HMGA2: variants seen among roughly 807,000 people sequenced by gnomAD.
HMGA2 encodes high mobility group protein HMGI-C.
A neutral mutation model predicts 19.1 loss-of-function variants in HMGA2; 8 were observed. The ratio of observed to expected loss-of-function variants is 0.42; its 90% CI spans 0.25 to 0.76. The LOEUF (loss-of-function observed/expected upper bound fraction) is 0.76, where lower values mean the gene tolerates loss of function less well. HMGA2 is among the 30% of genes least tolerant of loss of function. The pLI is 0.28. For synonymous variants in HMGA2, 60 were observed against 48.8 expected (o/e 1.23, Z -0.96); for missense variants, 109 against 136.3 (o/e 0.80, Z 1.00).
At chr12:65,924,574 G>C (rs980805873) in intron 3 of HMGA2, among the ~76,000 whole-genome samples, 1 of 152,162 alleles carries the variant, frequency 6.6e-6, no homozygotes, top group Non-Finnish European at 1.5e-5. Flanking sequence ...GAGGCAGGTG[G>C]ATGGCTTGAG....
rs543739043 is a variant in HMGA2 at position 65,918,629 on chromosome 12, C to T, written c.250-32754C>T. Among the ~76,000 whole-genome samples the T allele has an allele frequency of 6.6e-5, 10 of 152,190 alleles. No individual in the cohort carries two copies. In the South Asian group the frequency reaches 2.1e-3, roughly 32 times the overall value. ...TAAAAACACCTGAATGCACTTTTCT[C>T]AAACTTTTAAGAAAAGAAACAAAAC... On this transcript the variant is annotated intron_variant, in intron 3 of 4. Coordinates refer to ENST00000403681, the MANE Select transcript of HMGA2 (RefSeq NM_003483.6).
intron 3 of HMGA2, among the ~76,000 whole-genome samples, chr12:65,913,183 C>T (rs1363515286): frequency 1.3e-5 from 2 of 152,180 alleles, no homozygotes; most frequent in Non-Finnish European, 2.9e-5. Flanking sequence ...TCCTCCATTC[C>T]TTCCACCATT....
intron 3 of HMGA2, among the ~76,000 whole-genome samples, chr12:65,900,897 G>A (rs1874344962): frequency 6.6e-6 from 1 of 152,160 alleles, no homozygotes; most frequent in African/African-American, 2.4e-5. Flanking sequence ...ATATATAAAT[G>A]TATAATTAAA....
chr12:65,857,211 T>G (rs1871789394), intron 3 of HMGA2: 1 of 152,170 alleles, frequency 6.6e-6, no homozygotes, highest in Admixed American at 6.5e-5. Context: ...TTTGAAGACA[T>G]TTGTTGGGCT....
intron 3 of HMGA2, among the ~76,000 whole-genome samples, chr12:65,870,186 A>G (rs928221098): frequency 1.6e-4 from 25 of 152,104 alleles, no homozygotes; most frequent in African/African-American, 5.8e-4. Context: ...TGTGCATACA[A>G]CTTCTGTTTA....
intron 3 of HMGA2, among the ~76,000 whole-genome samples, chr12:65,923,159 G>A (rs1875378719): frequency 6.6e-6 from 1 of 152,140 alleles, no homozygotes; most frequent in African/African-American, 2.4e-5. Context: ...GTGCCCCAAA[G>A]AAGGGCAGCG....
chr12:65,849,333 C>T (rs1217800740), intron 3 of HMGA2, among the ~76,000 whole-genome samples: 1 of 152,182 alleles, frequency 6.6e-6, no homozygotes, highest in Non-Finnish European at 1.5e-5. Flanking sequence ...ATGGCCATCT[C>T]TGTGTCCCCT....
chr12:65,866,057 T>C (rs1044847796), intron 3 of HMGA2, among the ~76,000 whole-genome samples: 1 of 152,160 alleles, frequency 6.6e-6, no homozygotes, highest in Non-Finnish European at 1.5e-5. Context: ...TTCCTTTGTG[T>C]CTAAGGAGGG....
intron 4 of HMGA2, among the ~76,000 whole-genome samples, chr12:65,959,199 A>T (rs1234703065): frequency 6.6e-6 from 1 of 152,184 alleles, no homozygotes; most frequent in Non-Finnish European, 1.5e-5. Flanking sequence ...CTCCTTTTTA[A>T]TCTATTAGAA....
chr12:65,952,052 TA>T (rs375897687), intron 4 of HMGA2: 2 of 271,966 alleles, frequency 7.4e-6, no homozygotes, highest in African/African-American at 2.2e-5. Flanking sequence ...ATAGAAACAT[TA>T]AAAAAACATA....
chr12:65,958,787 A>G (rs1485193489), intron 4 of HMGA2: 2 of 152,180 alleles, frequency 1.3e-5, no homozygotes, highest in Non-Finnish European at 2.9e-5. Flanking sequence ...AGATAGCTTA[A>G]ATTACGTATG....
chr12:65,861,073 A>G (rs1220384221), intron 3 of HMGA2, among the ~76,000 whole-genome samples: 1 of 152,222 alleles, frequency 6.6e-6, no homozygotes, highest in Non-Finnish European at 1.5e-5. Context: ...TTGATTTTAA[A>G]AAAGATAATT....
chr12:65,881,565 A>T (rs931323409), intron 3 of HMGA2: 8 of 590,642 alleles, frequency 1.4e-5, no homozygotes, highest in Non-Finnish European at 2.1e-5. Context: ...AGTAATGGAA[A>T]GATCCAGTTA....
chr12:65,875,589 ATTTT>A (rs71096056), intron 3 of HMGA2, among the ~76,000 whole-genome samples: 102 of 26,046 alleles, frequency 3.9e-3, no homozygotes, highest in Non-Finnish European at 6.6e-3. Flanking sequence ...GTGCCCGGCT[ATTTT>A]TTTTTTTTTT....
intron 3 of HMGA2, among the ~76,000 whole-genome samples, chr12:65,912,048 T>C (rs1874868800): frequency 6.6e-6 from 1 of 152,146 alleles, no homozygotes; most frequent in Non-Finnish European, 1.5e-5. Flanking sequence ...AGGCTGGTGA[T>C]CCCTGATTTA....
intron 3 of HMGA2, among the ~76,000 whole-genome samples, chr12:65,865,201 G>A (rs1013816385): frequency 4.6e-5 from 7 of 152,056 alleles, no homozygotes; most frequent in African/African-American, 1.2e-4. Flanking sequence ...TGTGTTAATC[G>A]ACTGTGTTAT....
Position 65,825,053 on chromosome 12 carries a change from C to T in HMGA2, c.-218C>T, listed in dbSNP as rs934288745. On this transcript the variant is annotated 5_prime_UTR_variant, in exon 1 of 5. Coordinates refer to ENST00000403681, the MANE Select transcript of HMGA2 (RefSeq NM_003483.6). This position sits in a 1 kb window ranked among gnomAD's most constrained non-coding sequence, Gnocchi z 4.4. ...CGGCAGCGCCTCCTCCTCTCCTCCT[C>T]CTCCTCCCCTCTTCTCTTTTTGGCA... 2.1e-6 allele frequency: 1 copy of T among 472,516 alleles called. No individual in the cohort carries two copies. The highest frequency in any genetic ancestry group is 2.0e-5 in the African/African-American group (1 of 48,812). 29.3% of individuals were successfully genotyped at this position (472,516 alleles called of 1,614,324 possible).
chr12:65,944,870 G>GT (rs1390604569), intron 3 of HMGA2, among the ~76,000 whole-genome samples: 1 of 152,008 alleles, frequency 6.6e-6, no homozygotes, highest in Non-Finnish European at 1.5e-5. Flanking sequence ...AGAGATTTTT[G>GT]TTTTTTAAGA....
In HMGA2 at chr12:65,825,168, G is replaced by A; in HGVS notation, c.-103G>A. The A allele has an allele frequency of 1.0e-6, 1 of 1,005,010 alleles. No homozygotes were observed. Among genetic ancestry groups the A allele is most frequent in the Admixed American group, 2.9e-5 (1 of 34,258 alleles). 62.3% of individuals were successfully genotyped at this position (1,005,010 alleles called of 1,614,324 possible). ...CCCGCCAGCTCGCGCTCGCCCCGCC[G>A]GCGTCCCCAGCCCTATCACCTCATC... On this transcript the variant is annotated 5_prime_UTR_variant, in exon 1 of 5. Transcript: ENST00000403681. The surrounding 1 kb of genome is among the most constrained non-coding windows in gnomAD (Gnocchi z 4.4).
Sources: gnomAD v4.1 joint callset for allele counts (sites outside exome capture counted in the v4.1 genomes callset) on GRCh38, gnomAD v4.1.1 for gene constraint, Gnocchi (gnomAD v3.1) non-coding constraint, MANE v1.5 for transcripts, NCBI Gene and HGNC (gene_info 2026-07-23, HGNC 2026-07-21) for gene names.